Variants in FBXW11 observed in about 807,000 individuals in gnomAD.
FBXW11 encodes F-box and WD repeat domain containing 11.
Under a neutral mutation model 77.6 loss-of-function variants are expected in FBXW11, and 19 were observed. The ratio of observed to expected loss-of-function variants is 0.24; its 90% CI spans 0.17 to 0.36. The LOEUF (loss-of-function observed/expected upper bound fraction) is 0.36, where lower values mean the gene tolerates loss of function less well. Ranked by LOEUF, FBXW11 falls within the 10% of genes least tolerant of loss-of-function variation. The pLI is 1.00. For synonymous variants in FBXW11, 235 were observed against 249.4 expected (o/e 0.94, Z 0.54); for missense variants, 334 against 704.2 (o/e 0.47, Z 5.95).
Position 171,869,785 on chromosome 5 carries a change from G to C in FBXW11, c.1474C>G (p.Gln492Glu). 2 of 1,610,110 alleles carry C rather than the reference G, an allele frequency of 1.2e-6. No homozygotes were observed. Among genetic ancestry groups the C allele is most frequent in the African/African-American group, 1.3e-5 (1 of 74,892 alleles). ...YDGKIKVWDL[Q>E]AALDPRAPAS... The stretch of plus-strand genomic sequence containing the variant: ...GGGGCTCGAGGGTCAAGAGCAGCTT[G>C]CAAGTCCCAAACTTTAATTTTCCTA... The change falls in exon 12 of 14, where the codon CAA (glutamine) becomes GAA (glutamate). Residue 492 changes from glutamine to glutamate, a missense_variant. Coordinates refer to ENST00000517395, the MANE Select transcript of FBXW11 (RefSeq NM_001378974.1). This position sits in a 1 kb window ranked among gnomAD's most constrained non-coding sequence, Gnocchi z 4.1.
chr5:171,992,762 C>A (rs1765821213), intron 1 of FBXW11, among the ~76,000 whole-genome samples: 1 of 152,070 alleles, frequency 6.6e-6, no homozygotes, highest in Non-Finnish European at 1.5e-5. Flanking sequence ...TTCTCTCTAA[C>A]CCTGCCCTCT....
chr5:172,003,585 T>C (rs1318142356), intron 1 of FBXW11, among the ~76,000 whole-genome samples: 4 of 152,182 alleles, frequency 2.6e-5, no homozygotes, highest in Non-Finnish European at 5.9e-5. Context: ...TTAGTAACTG[T>C]AAATTCAGGG....
At chr5:171,870,967 G>A in intron 10 of FBXW11, 109 bp from the exon 11 acceptor site, 1 of 693,174 alleles carries the variant, frequency 1.4e-6, no homozygotes, top group Non-Finnish European at 2.6e-6. Context: ...CTATCTTGGA[G>A]CTCTTTATTT....
intron 1 of FBXW11, among the ~76,000 whole-genome samples, chr5:171,976,184 G>C (rs905281806): frequency 6.6e-6 from 1 of 152,134 alleles, no homozygotes; most frequent in African/African-American, 2.4e-5. Context: ...ACAAGTCAAC[G>C]ACAGTTTTAA....
intron 2 of FBXW11, among the ~76,000 whole-genome samples, chr5:171,923,002 C>A (rs892309635): frequency 6.6e-6 from 1 of 152,258 alleles, no homozygotes; most frequent in Middle Eastern, 3.4e-3. Context: ...GCAACCTCTG[C>A]CTCCGCGGTT....
intron 2 of FBXW11, among the ~76,000 whole-genome samples, chr5:171,945,079 C>T (rs923015746): frequency 6.6e-6 from 1 of 152,064 alleles, no homozygotes; most frequent in East Asian, 1.9e-4. Context: ...GGGGAAAAGA[C>T]AACAGACAGG....
At chr5:171,996,935 G>A in intron 1 of FBXW11, 2 of 1,289,714 alleles carry the variant, frequency 1.6e-6, no homozygotes, top group Non-Finnish European at 2.0e-6. Context: ...AGAATGAATG[G>A]GGGTTTTCCC....
intron 1 of FBXW11, among the ~76,000 whole-genome samples, chr5:171,989,037 C>T (rs140027237): frequency 6.6e-6 from 1 of 151,778 alleles, no homozygotes; most frequent in African/African-American, 2.4e-5. Flanking sequence ...ATTAGCCGGG[C>T]GTGGTGGTAT....
intron 1 of FBXW11, among the ~76,000 whole-genome samples, chr5:171,968,573 C>G (rs1581045890): frequency 6.6e-6 from 1 of 152,214 alleles, no homozygotes; most frequent in East Asian, 1.9e-4. Context: ...CAGAAAACTC[C>G]TAAGTATCTT....
chr5:171,918,663 A>C (rs1399929522), intron 2 of FBXW11, among the ~76,000 whole-genome samples: 1 of 152,220 alleles, frequency 6.6e-6, no homozygotes, highest in African/African-American at 2.4e-5. Flanking sequence ...TACTACTACC[A>C]ATCAAAGATA....
intron 1 of FBXW11, among the ~76,000 whole-genome samples, chr5:171,967,875 T>C (rs1276422824): frequency 1.5e-4 from 8 of 54,356 alleles, no homozygotes; most frequent in Non-Finnish European, 2.1e-4. Flanking sequence ...TATATATATA[T>C]ATATATATAC....
chr5:171,931,832 TCTCCCTCCCTCCCTCC>T (rs1258085941), intron 2 of FBXW11, among the ~76,000 whole-genome samples: 1 of 35,788 alleles, frequency 2.8e-5, no homozygotes, highest in African/African-American at 9.0e-5. Context: ...TCTCTCTCTC[TCTCCCTCCCTCCCTCC>T]CTCCCTCCCT....
At chr5:171,966,016 C>T (rs1764169148) in intron 1 of FBXW11, among the ~76,000 whole-genome samples, 1 of 152,096 alleles carries the variant, frequency 6.6e-6, no homozygotes, top group Non-Finnish European at 1.5e-5. Context: ...GTAAGACATG[C>T]TTGTTTCCCC....
chr5:171,900,119 A>C lies in FBXW11; in HGVS notation c.437-19T>G, dbSNP rs1465559585. On this transcript the variant is annotated intron_variant, in intron 4 of 13. Coordinates refer to ENST00000517395, the MANE Select transcript of FBXW11 (RefSeq NM_001378974.1). ...CCTTGCTCTACAAAACAGAAAAGGG[A>C]ATGAAGGAACGGGAAGAGAGATAGA... 6.3e-7 allele frequency: 1 copy of C among 1,586,640 alleles called. No homozygotes were observed. The highest frequency in any genetic ancestry group is 1.7e-5 in the Admixed American group (1 of 57,198).
chr5:171,888,044 C>T (rs1759038497), intron 7 of FBXW11, among the ~76,000 whole-genome samples: 1 of 152,122 alleles, frequency 6.6e-6, no homozygotes, highest in Non-Finnish European at 1.5e-5. Flanking sequence ...AAACATGCAG[C>T]TAAAATTCTG....
At chr5:171,892,094 T>G (rs1759387789) in intron 6 of FBXW11, among the ~76,000 whole-genome samples, 1 of 152,248 alleles carries the variant, frequency 6.6e-6, no homozygotes, top group South Asian at 2.1e-4. Flanking sequence ...TCCTAATGTT[T>G]CTGTAGAGTA....
chr5:171,945,600 C>A (rs1317080021), intron 2 of FBXW11, among the ~76,000 whole-genome samples: 2 of 152,080 alleles, frequency 1.3e-5, no homozygotes, highest in African/African-American at 4.8e-5. Flanking sequence ...ACTGTAAGTT[C>A]CCTACATACT....
intron 2 of FBXW11, among the ~76,000 whole-genome samples, chr5:171,947,693 T>C (rs937129127): frequency 6.6e-6 from 1 of 152,106 alleles, no homozygotes; most frequent in Non-Finnish European, 1.5e-5. Context: ...ACCCAGACAA[T>C]GAAATTGCAG....
At chr5:171,986,347 G>A (rs564289123) in intron 1 of FBXW11, among the ~76,000 whole-genome samples, 2 of 152,246 alleles carry the variant, frequency 1.3e-5, no homozygotes, top group Admixed American at 1.3e-4. Context: ...GGTGGAGGTT[G>A]CAGTGAGATC....
Sources: allele counts gnomAD v4.1 joint callset (sites outside exome capture counted in the v4.1 genomes callset), GRCh38; gene constraint gnomAD v4.1.1; non-coding constraint Gnocchi (gnomAD v3.1); transcripts MANE v1.5; gene names NCBI Gene and HGNC (gene_info 2026-07-23, HGNC 2026-07-21).